Variants in KANK1 observed in about 807,000 individuals in gnomAD.
The protein encoded by KANK1 is KN motif and ankyrin repeat domain-containing protein 1.
Under a neutral mutation model 106.2 loss-of-function variants are expected in KANK1, and 109 were observed. That is an observed-to-expected ratio of 1.03 (90% confidence interval 0.88 to 1.20). The LOEUF is 1.20. Ranked by LOEUF, KANK1 falls within the 50% of genes most tolerant of loss-of-function variation. The probability of loss-of-function intolerance (pLI) is 0.00; values close to 1 mark genes in which losing one functional copy is unlikely to be tolerated. For synonymous variants in KANK1, 873 were observed against 652.2 expected (o/e 1.34, Z -5.16); for missense variants, 2,399 against 1,710.7 (o/e 1.40, Z -7.10).
chr9:533,776 A>G (rs1004167155), intron 1 of KANK1, among the ~76,000 whole-genome samples: 4 of 152,170 alleles, frequency 2.6e-5, no homozygotes, highest in Non-Finnish European at 5.9e-5. Context: ...GTTTCTATGC[A>G]TTATGTGTTG....
chr9:561,902 G>A (rs1036591414), intron 1 of KANK1, among the ~76,000 whole-genome samples: 12 of 152,194 alleles, frequency 7.9e-5, no homozygotes, highest in Non-Finnish European at 1.6e-4. Context: ...AATTGACCAA[G>A]GAAGAGAGGC....
In KANK1 at chr9:504,735, G is replaced by A. The variant is rs1321012046; in HGVS notation, c.-103G>A. On this transcript the variant is annotated 5_prime_UTR_variant, in exon 1 of 12. Coordinates refer to ENST00000382297, the MANE Select transcript of KANK1 (RefSeq NM_015158.5). Reference sequence around the variant, plus strand: ...GGCGGAGCGAGCGAGCGGCCGGCAGGTTGGGAGGAGCGGCCGAAGGTGAGT... The same window carrying A: ...GGCGGAGCGAGCGAGCGGCCGGCAGATTGGGAGGAGCGGCCGAAGGTGAGT... 1 of 149,466 alleles carries A rather than the reference G, an allele frequency of 6.7e-6. No homozygotes were observed. The highest frequency in any genetic ancestry group is 1.5e-5 in the Non-Finnish European group (1 of 67,350). 9.3% of individuals were successfully genotyped at this position (149,466 alleles called of 1,614,324 possible).
At chr9:690,424 T>G (rs1191507243) in intron 2 of KANK1, among the ~76,000 whole-genome samples, 2 of 152,086 alleles carry the variant, frequency 1.3e-5, no homozygotes, top group Non-Finnish European at 2.9e-5. Context: ...AATAGCACCA[T>G]GCTTATGCAT....
chr9:704,850 G>A (rs1408484771), intron 2 of KANK1, among the ~76,000 whole-genome samples: 3 of 151,638 alleles, frequency 2.0e-5, no homozygotes, highest in Non-Finnish European at 4.4e-5. Context: ...AAATTAGCCA[G>A]GCGTGGTGCT....
rs1180708794 is a variant in KANK1 at position 672,039 on chromosome 9, TA to T, written c.-83-4849del. 3.9e-5 allele frequency among the ~76,000 whole-genome samples: 6 copies of T among 152,336 alleles called. 1 individual carries two copies. On this transcript the variant is annotated intron_variant, in intron 1 of 11. Coordinates refer to ENST00000382297, the MANE Select transcript of KANK1 (RefSeq NM_015158.5). ...AGCCTCCTTGCAGTAAGCATATAGG[TA>T]ACTAAGGTGTCTACCTTACGTATAT...
intron 3 of KANK1, among the ~76,000 whole-genome samples, chr9:493,146 C>G (rs981066374): frequency 2.6e-5 from 4 of 152,002 alleles, no homozygotes; most frequent in African/African-American, 9.7e-5. Flanking sequence ...TTGGTTTGTG[C>G]GACCATAGAA....
At chr9:593,458 C>T (rs1190375323) in intron 1 of KANK1, among the ~76,000 whole-genome samples, 1 of 148,676 alleles carries the variant, frequency 6.7e-6, no homozygotes, top group East Asian at 2.1e-4. Context: ...CATTCCCCCC[C>T]CCCATATACT....
chr9:514,175 C>A (rs2059167240), intron 1 of KANK1, among the ~76,000 whole-genome samples: 1 of 90,606 alleles, frequency 1.1e-5, no homozygotes, highest in African/African-American at 8.8e-5. Flanking sequence ...TCTCTCCCTC[C>A]CTTCCTCTCT....
At chr9:718,552 C>T (rs1034399897) in intron 3 of KANK1, among the ~76,000 whole-genome samples, 1 of 152,154 alleles carries the variant, frequency 6.6e-6, no homozygotes. Context: ...TCAAGCAATT[C>T]GCCTGCCTCA....
intron 1 of KANK1, among the ~76,000 whole-genome samples, chr9:613,583 G>A (rs766567980): frequency 8.5e-5 from 13 of 152,150 alleles, no homozygotes; most frequent in Middle Eastern, 3.4e-3. Context: ...ATGGAAAATC[G>A]AATTTGTTTA....
chr9:539,136 C>A (rs533147165), intron 1 of KANK1, among the ~76,000 whole-genome samples: 2 of 152,180 alleles, frequency 1.3e-5, no homozygotes, highest in Non-Finnish European at 2.9e-5. Context: ...CTGCCTCGGC[C>A]TCCCTAAGTG....
chr9:660,795 C>T (rs1427352846), intron 1 of KANK1, among the ~76,000 whole-genome samples: 1 of 152,160 alleles, frequency 6.6e-6, no homozygotes, highest in African/African-American at 2.4e-5. Flanking sequence ...GAAAGATCCC[C>T]TGGTGTCTAT....
chr9:560,756 A>G (rs941360511), intron 1 of KANK1, among the ~76,000 whole-genome samples: 1 of 150,194 alleles, frequency 6.7e-6, no homozygotes, highest in Non-Finnish European at 1.5e-5. Flanking sequence ...AAGCTAACCA[A>G]CTGGATGTCA....
At chr9:736,039 G>C (rs71509974) in intron 7 of KANK1, among the ~76,000 whole-genome samples, 1 of 152,110 alleles carries the variant, frequency 6.6e-6, no homozygotes, top group Admixed American at 6.5e-5. Flanking sequence ...CTCACTGCAA[G>C]CTCCGCCTCC....
intron 3 of KANK1, 42 bp from the exon 4 acceptor site, chr9:730,009 G>A: frequency 6.4e-7 from 1 of 1,557,708 alleles, no homozygotes; most frequent in South Asian, 1.1e-5. Flanking sequence ...TGCTTTTTCA[G>A]TCCTAGCATC....
intron 3 of KANK1, among the ~76,000 whole-genome samples, chr9:477,546 C>G (rs1181930052): frequency 1.3e-5 from 2 of 152,018 alleles, no homozygotes; most frequent in East Asian, 3.9e-4. Context: ...CCTTTCCAAA[C>G]CAAGGGAATG....
intron 3 of KANK1, among the ~76,000 whole-genome samples, chr9:726,765 G>T (rs1006128707): frequency 5.3e-5 from 8 of 149,572 alleles, no homozygotes; most frequent in African/African-American, 2.0e-4. Context: ...TTCAAGACCA[G>T]CCTGGCCAAC....
chr9:645,669 A>G (rs1357634985), intron 1 of KANK1, among the ~76,000 whole-genome samples: 1 of 149,836 alleles, frequency 6.7e-6, no homozygotes, highest in Non-Finnish European at 1.5e-5. Context: ...ATCACCTGAG[A>G]TCAGGAGTTC....
At chr9:488,104 G>C (rs2058323217) in intron 3 of KANK1, among the ~76,000 whole-genome samples, 1 of 152,158 alleles carries the variant, frequency 6.6e-6, no homozygotes, top group South Asian at 2.1e-4. Flanking sequence ...TGGTCAACAT[G>C]GCTACGAACT....
Sources: allele counts gnomAD v4.1 joint callset (sites outside exome capture counted in the v4.1 genomes callset), GRCh38; gene constraint gnomAD v4.1.1; transcripts MANE v1.5; gene names NCBI Gene and HGNC (gene_info 2026-07-23, HGNC 2026-07-21).